PTPRN2: variants seen among roughly 807,000 people sequenced by gnomAD.
PTPRN2 encodes the protein protein tyrosine phosphatase receptor type N2, also known as receptor-type tyrosine-protein phosphatase N2.
A neutral mutation model predicts 118.8 loss-of-function variants in PTPRN2; 74 were observed. That is an observed-to-expected ratio of 0.62 (90% CI 0.52 to 0.76). The LOEUF (loss-of-function observed/expected upper bound fraction) is 0.76. Ranked by LOEUF, PTPRN2 falls within the 30% of genes least tolerant of loss-of-function variation. PTPRN2 has a pLI of 0.00. For missense variants in PTPRN2, 1,481 were observed against 1,394.4 expected (o/e 1.06, Z -0.99); for synonymous variants, 641 against 608.0 (o/e 1.05, Z -0.80).
At chr7:158,380,923 C>A (rs1020635390) in intron 2 of PTPRN2, among the ~76,000 whole-genome samples, 19 of 152,376 alleles carry the variant, frequency 1.2e-4, no homozygotes, top group Admixed American at 1.0e-3. Context: ...TTGGGGCTTG[C>A]CCCCCTCTGA....
intron 16 of PTPRN2, among the ~76,000 whole-genome samples, chr7:157,599,905 CCCTCTCCA>C (rs1801565667): frequency 9.4e-6 from 1 of 106,468 alleles, no homozygotes; most frequent in Admixed American, 9.3e-5. Flanking sequence ...CTCCACCTGC[CCCTCTCCA>C]CCTGCCCACC....
At position 158,022,574 on chromosome 7, in the gene PTPRN2, G is replaced by C. The variant is rs1029391115; in HGVS notation, c.1723+58724C>G. On this transcript the variant is annotated intron_variant, in intron 11 of 22. Coordinates refer to ENST00000389418, the MANE Select transcript of PTPRN2 (RefSeq NM_002847.5). This position sits in a 1 kb window ranked among gnomAD's most constrained non-coding sequence, Gnocchi z 4.6. Reference sequence around the variant, plus strand: ...CAAGGCCCCGGCACCCGGGCACTCTGTCTGGGGCAGCCCGTAATGTGTTCA... The same window carrying C: ...CAAGGCCCCGGCACCCGGGCACTCTCTCTGGGGCAGCCCGTAATGTGTTCA... Among the ~76,000 whole-genome samples the C allele has an allele frequency of 1.3e-5, 2 of 150,288 alleles. No homozygotes were observed.
intron 12 of PTPRN2, among the ~76,000 whole-genome samples, chr7:157,828,776 C>T (rs1420115538): frequency 6.6e-6 from 1 of 152,220 alleles, no homozygotes; most frequent in Non-Finnish European, 1.5e-5. Flanking sequence ...GTCTGTGTTG[C>T]CGACTCCCGA....
chr7:157,921,159 C>T (rs1322801546), intron 11 of PTPRN2, among the ~76,000 whole-genome samples: 9 of 152,118 alleles, frequency 5.9e-5, no homozygotes, highest in Non-Finnish European at 7.3e-5. Flanking sequence ...CGGAATGAGC[C>T]GTCAAACCAT....
At chr7:158,175,955 G>A (rs1050290679) in intron 5 of PTPRN2, among the ~76,000 whole-genome samples, 1 of 150,752 alleles carries the variant, frequency 6.6e-6, no homozygotes, top group Non-Finnish European at 1.5e-5. Flanking sequence ...TGAGGCCAGT[G>A]CTGATCTCAC....
At chr7:157,678,678 G>A (rs571235360) in intron 13 of PTPRN2, among the ~76,000 whole-genome samples, 58 of 152,254 alleles carry the variant, frequency 3.8e-4, no homozygotes, top group African/African-American at 9.9e-4. Flanking sequence ...GGAGGTCCCC[G>A]TGGCCCGGAT....
Position 157,990,235 on chromosome 7 carries a change from G to A in PTPRN2, c.1723+91063C>T, listed in dbSNP as rs1343228532. Among the ~76,000 whole-genome samples, 2 of 152,028 alleles carry A rather than the reference G, an allele frequency of 1.3e-5. No homozygotes were observed. Among genetic ancestry groups the A allele is most frequent in the Non-Finnish European group, 2.9e-5 (2 of 68,032 alleles). On this transcript the variant is annotated intron_variant, in intron 11 of 22. Transcript: ENST00000389418. This position sits in a 1 kb window ranked among gnomAD's most constrained non-coding sequence, Gnocchi z 4.3. ...TTCATGAGCGCCACCGGGGAAGACCGGGCACTCGTGGAGTTCAACAGATCA... is the reference window on the plus strand; with the variant it reads ...TTCATGAGCGCCACCGGGGAAGACCAGGCACTCGTGGAGTTCAACAGATCA...
chr7:158,031,373 C>T (rs1023454937), intron 11 of PTPRN2, among the ~76,000 whole-genome samples: 5 of 152,164 alleles, frequency 3.3e-5, no homozygotes, highest in African/African-American at 1.2e-4. Flanking sequence ...GAAGGAAAGA[C>T]AGGTCTCACC....
intron 12 of PTPRN2, among the ~76,000 whole-genome samples, chr7:157,731,204 G>A (rs1462806304): frequency 6.6e-6 from 1 of 152,088 alleles, no homozygotes; most frequent in Non-Finnish European, 1.5e-5. Context: ...AACCTTGCCC[G>A]CATATCAGCT....
intron 12 of PTPRN2, among the ~76,000 whole-genome samples, chr7:157,825,542 T>C (rs1807119024): frequency 6.6e-6 from 1 of 152,180 alleles, no homozygotes; most frequent in Admixed American, 6.5e-5. Context: ...AGTGAACAGA[T>C]TATCCTCTCA....
chr7:158,029,246 C>T (rs949146154), intron 11 of PTPRN2: 1 of 150,562 alleles, frequency 6.6e-6, no homozygotes, highest in African/African-American at 2.4e-5. Flanking sequence ...ATCCTCTCGC[C>T]GGGGGCACGG....
chr7:158,312,304 T>TAA (rs1411047226), intron 3 of PTPRN2, among the ~76,000 whole-genome samples: 10 of 18,010 alleles, frequency 5.6e-4, no homozygotes, highest in African/African-American at 1.2e-3. Context: ...ACACATGTGC[T>TAA]CACACAGACA....
intron 12 of PTPRN2, among the ~76,000 whole-genome samples, chr7:157,725,169 C>G (rs576384847): frequency 1.2e-3 from 175 of 151,332 alleles, no homozygotes; most frequent in African/African-American, 3.9e-3. Flanking sequence ...GCCAGACCCT[C>G]GCCTCCCAGG....
In PTPRN2 at chr7:158,330,817, C is replaced by A. The variant is rs111547443; in HGVS notation, c.164-13885G>T. 1.8e-3 allele frequency among the ~76,000 whole-genome samples: 186 copies of A among 101,616 alleles called. 10 individuals carry two copies. The highest frequency in any genetic ancestry group is 6.1e-3 in the African/African-American group (173 of 28,268). The allele number at this position is 101,616 out of a possible 152,430, so 66.7% of individuals were successfully genotyped here. A position where few individuals can be genotyped will look rare whatever the true frequency, so the allele number is the denominator to read the frequency against. ...CACACTCTCACCATAAGAGCTGACA[C>A]CCGCAGACGTCACTCACATCCACAT... On this transcript the variant is annotated intron_variant, in intron 2 of 22. Coordinates refer to ENST00000389418, the MANE Select transcript of PTPRN2 (RefSeq NM_002847.5).
At chr7:157,689,102 C>T (rs978778662) in intron 12 of PTPRN2, among the ~76,000 whole-genome samples, 1 of 152,210 alleles carries the variant, frequency 6.6e-6, no homozygotes, top group Non-Finnish European at 1.5e-5. Context: ...CAGCCGCCAC[C>T]GCCGCCGTCT....
At chr7:158,442,099 GGTCACGGCA>G (rs1817372355) in intron 2 of PTPRN2, among the ~76,000 whole-genome samples, 1 of 150,704 alleles carries the variant, frequency 6.6e-6, no homozygotes, top group Non-Finnish European at 1.5e-5. Flanking sequence ...TGATAGTGAT[GGTCACGGCA>G]GTGGTGGTGG....
chr7:158,258,610 C>T (rs918299952), intron 3 of PTPRN2, among the ~76,000 whole-genome samples: 8 of 152,190 alleles, frequency 5.3e-5, no homozygotes, highest in African/African-American at 1.9e-4. Flanking sequence ...TCCCCTGCCC[C>T]CCAGTCACAG....
chr7:158,072,338 C>T (rs184234302), intron 11 of PTPRN2, among the ~76,000 whole-genome samples: 5 of 152,200 alleles, frequency 3.3e-5, no homozygotes, highest in South Asian at 4.2e-4. Context: ...CCAGCCTTGC[C>T]GTGTGAATCA....
At position 158,264,707 on chromosome 7, in the gene PTPRN2, T is replaced by A. The variant is rs369908310; in HGVS notation, c.277+52112A>T. On this transcript the variant is annotated intron_variant, in intron 3 of 22. Coordinates refer to ENST00000389418, the MANE Select transcript of PTPRN2 (RefSeq NM_002847.5). ...GGAGCCGTGGGCTCTCTCCTAATGC[T>A]CTTCCTCCATGCCCAGGCTCCAGGA... is the stretch of plus-strand genomic sequence containing the variant. Among the ~76,000 whole-genome samples the A allele has an allele frequency of 9.2e-5, 14 of 152,260 alleles. 1 individual carries two copies. In the South Asian group the frequency reaches 2.9e-3, roughly 32 times the overall value.
Sources: allele counts gnomAD v4.1 joint callset (sites outside exome capture counted in the v4.1 genomes callset), GRCh38; gene constraint gnomAD v4.1.1; non-coding constraint Gnocchi (gnomAD v3.1); transcripts MANE v1.5; gene names NCBI Gene and HGNC (gene_info 2026-07-23, HGNC 2026-07-21).